The following IDS variants were observed in gnomAD, a reference collection of about 807,000 sequenced individuals.
IDS encodes iduronate 2-sulfatase, also known as alpha-L-iduronate sulfate sulfatase.
A neutral mutation model predicts 33.5 loss-of-function variants in IDS; 1 was observed. The observed-to-expected ratio is 0.03, with a 90% CI of 0.01 to 0.14. The LOEUF (loss-of-function observed/expected upper bound fraction) is 0.14. Ranked by LOEUF, IDS falls within the 10% of genes least tolerant of loss-of-function variation. IDS has a pLI of 1.00. For synonymous variants in IDS, 191 were observed against 184.4 expected (o/e 1.04, Z -0.29); for missense variants, 328 against 448.0 (o/e 0.73, Z 2.42).
Position 149,505,299 on chromosome X carries a change from G to C in IDS, c.-162C>G, listed in dbSNP as rs986217215. The C allele has an allele frequency of 3.5e-4, 109 of 309,938 alleles. No individual in the cohort carries two copies. The highest frequency in any genetic ancestry group is 8.7e-4 in the Middle Eastern group (1 of 1,156). 25.5% of individuals were successfully genotyped at this position (309,938 alleles called of 1,213,427 possible). A position where few individuals can be genotyped will look rare whatever the true frequency, so the allele number is the denominator to read the frequency against. ...CCCGCAGGCCCGGGCGCTGGCCGCA[G>C]CGCGAGTGCGTCCGTGCGACTCTTC... On this transcript the variant is annotated 5_prime_UTR_variant, in exon 1 of 9. Transcript: ENST00000340855.
intron 6 of IDS, among the ~76,000 whole-genome samples, chrX:149,491,832 A>T (rs948782236): frequency 2.7e-5 from 3 of 112,303 alleles, no homozygotes; most frequent in African/African-American, 9.7e-5. Flanking sequence ...AAAATGCTTA[A>T]TTATCAGTGA....
intron 5 of IDS, 137 bp downstream of exon 5, chrX:149,497,970 A>G: frequency 2.0e-6 from 1 of 509,874 alleles, no homozygotes; most frequent in Non-Finnish European, 3.5e-6. Context: ...TACTCCACTG[A>G]GGACACTAGT....
At chrX:149,485,469 G>C (rs1265295055) in intron 8 of IDS, among the ~76,000 whole-genome samples, 1 of 111,968 alleles carries the variant, frequency 8.9e-6, no homozygotes, top group Non-Finnish European at 1.9e-5. Context: ...AGAAGAACAG[G>C]GGTTGAGATT....
chrX:149,488,749 G>C (rs1274131341), intron 7 of IDS, among the ~76,000 whole-genome samples: 2 of 111,268 alleles, frequency 1.8e-5, no homozygotes, highest in Admixed American at 9.5e-5. Context: ...GCAAATACGG[G>C]GAAGTCTGGC....
chrX:149,483,106 C>G lies in IDS; in HGVS notation c.1293G>C (p.Leu431=), dbSNP rs782203657. The G allele has an allele frequency of 8.3e-7, 1 of 1,209,997 alleles. No homozygotes were observed. The highest frequency in any genetic ancestry group is 2.2e-5 in the Admixed American group (1 of 45,873). ...RCPVPSFHVE[L]CREGKNLLKH... is the part of the protein sequence containing the mutation. Reference sequence around the variant, plus strand: ...TCAGAAGGTTCTTGCCTTCTCTGCACAGCTCAACGTGAAATGAAGGAACGG... The same window carrying G: ...TCAGAAGGTTCTTGCCTTCTCTGCAGAGCTCAACGTGAAATGAAGGAACGG... Residue 431 remains leucine (L), a synonymous_variant, in exon 9 of 9, where the codon CTG becomes CTC. Coordinates refer to ENST00000340855, the MANE Select transcript of IDS (RefSeq NM_000202.8).
intron 8 of IDS, among the ~76,000 whole-genome samples, chrX:149,486,638 C>T (rs1290293726): frequency 8.9e-6 from 1 of 112,154 alleles, no homozygotes; most frequent in African/African-American, 3.2e-5. Context: ...CACAGCCCTC[C>T]CCATCTTGGG....
chrX:149,494,412 C>T (rs1352325322), intron 6 of IDS, among the ~76,000 whole-genome samples: 5 of 111,762 alleles, frequency 4.5e-5, no homozygotes, highest in African/African-American at 1.3e-4. Context: ...TATGGTGACT[C>T]GGAAGGAGCA....
intron 7 of IDS, 82 bp from the exon 8 acceptor site, chrX:149,487,180 C>G: frequency 1.7e-6 from 2 of 1,207,961 alleles, no homozygotes; most frequent in South Asian, 3.5e-5. Context: ...CATTTCATTT[C>G]CTGTTGTAAA....
At position 149,496,362 on chromosome X, in the gene IDS, A is replaced by G; in HGVS notation, c.863T>C (p.Ile288Thr). The change falls in exon 6 of 9, where the codon ATT becomes ACT. Residue 288 changes from isoleucine (I) to threonine (T), a missense_variant. This residue lies in a region of IDS where 265 missense variants were observed against 339.2 expected (regional missense o/e 0.78). Transcript: ENST00000340855. ...ALNISVPYGP[I>T]PVDFQRKIRQ... is the part of the protein sequence containing the mutation. ...CCTTGATACCTGAAAGTCCACAGGA[A>G]TTGGACCATACGGCACACTGATGTT... 2 of 1,210,950 alleles carry G rather than the reference A, an allele frequency of 1.7e-6. No homozygotes were observed. Among genetic ancestry groups the G allele is most frequent in the Non-Finnish European group, 2.2e-6 (2 of 894,739 alleles).
chrX:149,491,740 C>A, intron 6 of IDS: 1 of 822,009 alleles, frequency 1.2e-6, no homozygotes, highest in Non-Finnish European at 1.6e-6. Context: ...ATGCTAGCCC[C>A]TGGACGTAAG....
chrX:149,485,435 A>C (rs782810664), intron 8 of IDS, among the ~76,000 whole-genome samples: 104 of 112,227 alleles, frequency 9.3e-4, no homozygotes, highest in African/African-American at 3.2e-3. Context: ...TTTCTCATAG[A>C]CTGAATATTG....
In IDS at chrX:149,480,946, A is replaced by G. The variant is rs1404543344; in HGVS notation, c.*1800T>C. The G allele has an allele frequency of 1.8e-5, 2 of 112,209 alleles. No individual in the cohort carries two copies. Among genetic ancestry groups the G allele is most frequent in the African/African-American group, 6.5e-5 (2 of 30,872 alleles). The allele number at this position is 112,209 out of a possible 1,213,427, so 9.2% of individuals were successfully genotyped here. On this transcript the variant is annotated 3_prime_UTR_variant, in exon 9 of 9. Transcript: ENST00000340855. ...ATGTGAAAGAGAGATTTCTACAAAT[A>G]AAGTGACGGGAGGACCACTAATAAG...
chrX:149,492,362 A>C (rs1022755153), intron 6 of IDS, among the ~76,000 whole-genome samples: 76 of 111,904 alleles, frequency 6.8e-4, no homozygotes, highest in African/African-American at 2.3e-3. Flanking sequence ...CAGAGGAGTT[A>C]GAATTTGACA....
In IDS at chrX:149,482,565, G is replaced by T; in HGVS notation, c.*181C>A. The T allele has an allele frequency of 1.6e-6, 1 of 642,580 alleles. No individual in the cohort carries two copies. Among genetic ancestry groups the T allele is most frequent in the Non-Finnish European group, 2.3e-6 (1 of 442,374 alleles). The allele number at this position is 642,580 out of a possible 1,213,427, so 53.0% of individuals were successfully genotyped here. A position where few individuals can be genotyped will look rare whatever the true frequency, so the allele number is the denominator to read the frequency against. On this transcript the variant is annotated 3_prime_UTR_variant, in exon 9 of 9. Coordinates refer to ENST00000340855, the MANE Select transcript of IDS (RefSeq NM_000202.8). ...ATTACCAATTATAAATTTTAATAAA[G>T]ACTAAACGAAAAGGTTTGGCTGTTA...
At chrX:149,494,126 T>C (rs1417010393) in intron 6 of IDS, among the ~76,000 whole-genome samples, 1 of 111,341 alleles carries the variant, frequency 9.0e-6, no homozygotes, top group Non-Finnish European at 1.9e-5. Context: ...GGGCATGGAT[T>C]TTCTCCAGCA....
rs782682910 is a variant in IDS, at chrX:149,480,453, A to T, written c.*2293T>A. 73 of 295,946 alleles carry T rather than the reference A, an allele frequency of 2.5e-4. No homozygotes were observed. Among genetic ancestry groups the T allele is most frequent in the Non-Finnish European group, 3.6e-4 (62 of 170,073 alleles). 24.4% of individuals were successfully genotyped at this position (295,946 alleles called of 1,213,427 possible). On this transcript the variant is annotated 3_prime_UTR_variant, in exon 9 of 9. Transcript: ENST00000340855. ...TCATAAGAGGCACTTGCCAACATCC[A>T]ACAAATTCAGTTCAAAACCACAGAA...
intron 6 of IDS, 99 bp from the exon 7 acceptor site, chrX:149,490,539 C>A (rs1220115557): frequency 1.1e-6 from 1 of 885,203 alleles, no homozygotes; most frequent in Non-Finnish European, 1.6e-6. Flanking sequence ...CAATCCCTAC[C>A]CCTTAGTTGA....
intron 6 of IDS, among the ~76,000 whole-genome samples, chrX:149,493,242 GAC>G (rs782800211): frequency 1.1e-4 from 12 of 112,549 alleles, no homozygotes; most frequent in African/African-American, 3.9e-4. Flanking sequence ...CTAAGTGGCA[GAC>G]ACAGAAAGGA....
At chrX:149,485,849 T>C (rs1319580321) in intron 8 of IDS, among the ~76,000 whole-genome samples, 2 of 112,085 alleles carry the variant, frequency 1.8e-5, no homozygotes, top group African/African-American at 6.5e-5. Context: ...GGACATGCAG[T>C]GCACAAAAAT....
Sources: gnomAD v4.1 joint callset for allele counts (sites outside exome capture counted in the v4.1 genomes callset) on GRCh38, gnomAD v4.1.1 for gene constraint, gnomAD v4.1.1 regional missense constraint, MANE v1.5 for transcripts, NCBI Gene and HGNC (gene_info 2026-07-23, HGNC 2026-07-21) for gene names.